Variants in SGCD observed in about 807,000 individuals in gnomAD.
The protein encoded by SGCD is delta-sarcoglycan.
A neutral mutation model predicts 36.6 loss-of-function variants in SGCD; 18 were observed. That is an observed-to-expected ratio of 0.49 (90% CI 0.34 to 0.73). SGCD has a LOEUF of 0.73. Ranked by LOEUF, SGCD falls within the 30% of genes least tolerant of loss-of-function variation. SGCD has a pLI of 0.01. For synonymous variants in SGCD, 133 were observed against 130.6 expected (o/e 1.02, Z -0.12); for missense variants, 387 against 346.7 (o/e 1.12, Z -0.92).
chr5:156,632,273 A>G (rs1359104238), intron 6 of SGCD, among the ~76,000 whole-genome samples: 1 of 151,824 alleles, frequency 6.6e-6, no homozygotes, highest in Non-Finnish European at 1.5e-5. Flanking sequence ...CCTAGATCAC[A>G]TTCCCTTCTG....
the SGCD span, among the ~76,000 whole-genome samples, chr5:155,864,471 G>A: frequency 2.6e-5 from 4 of 152,058 alleles, no homozygotes; most frequent in African/African-American, 7.2e-5. Flanking sequence ...ATCCAGGCAA[G>A]AGATGGTATT....
intron 7 of SGCD, among the ~76,000 whole-genome samples, chr5:156,699,480 T>A (rs926623888): frequency 3.3e-5 from 5 of 152,328 alleles, no homozygotes; most frequent in African/African-American, 4.8e-5. Flanking sequence ...CAGTTCATTT[T>A]TTTTTTTCTA....
intron 1 of SGCD, among the ~76,000 whole-genome samples, chr5:156,012,235 G>T (rs1245729775): frequency 6.6e-6 from 1 of 152,146 alleles, no homozygotes; most frequent in Non-Finnish European, 1.5e-5. Context: ...AATTACGAAA[G>T]AAATTCTCAC....
the SGCD span, among the ~76,000 whole-genome samples, chr5:155,791,437 A>G: frequency 6.6e-6 from 1 of 152,170 alleles, no homozygotes; most frequent in Non-Finnish European, 1.5e-5. Flanking sequence ...GAAAGAAATA[A>G]AAGGCATCCA....
the SGCD span, among the ~76,000 whole-genome samples, chr5:155,789,307 G>A: frequency 6.6e-6 from 1 of 152,084 alleles, no homozygotes; most frequent in African/African-American, 2.4e-5. Context: ...TAATTAAAAA[G>A]TGTTATTAAC....
chr5:156,274,580 A>T (rs1766268458), intron 3 of SGCD, among the ~76,000 whole-genome samples: 1 of 152,066 alleles, frequency 6.6e-6, no homozygotes, highest in African/African-American at 2.4e-5. Flanking sequence ...TCAGCCTCTA[A>T]TGTGGCTCCA....
intron 7 of SGCD, among the ~76,000 whole-genome samples, chr5:156,747,022 C>A (rs954529516): frequency 2.0e-5 from 3 of 151,938 alleles, no homozygotes; most frequent in Admixed American, 6.6e-5. Context: ...AATGCAAGTA[C>A]CCTAATTGTA....
At chr5:156,131,510 A>G (rs901900018) in intron 3 of SGCD, among the ~76,000 whole-genome samples, 1 of 152,242 alleles carries the variant, frequency 6.6e-6, no homozygotes, top group South Asian at 2.1e-4. Context: ...ATGAACAATG[A>G]CATTCCTAAG....
Position 156,062,236 on chromosome 5 carries a change from T to C in SGCD, c.-281-55642T>C, listed in dbSNP as rs1287398356. Among the ~76,000 whole-genome samples, 25 of 65,268 alleles carry C rather than the reference T, an allele frequency of 3.8e-4. 2 individuals are homozygous for C. The South Asian group carries it at 0.013, about 33-fold the overall frequency. 42.8% of individuals were successfully genotyped at this position (65,268 alleles called of 152,430 possible). ...CTGAGAATGATGGTTTCCAATTTCA[T>C]CCATGTCCCTACAAAGGATATGAAC... On this transcript the variant is annotated intron_variant, in intron 1 of 9. Coordinates refer to the SGCD transcript ENST00000517913.
intron 1 of SGCD, among the ~76,000 whole-genome samples, chr5:155,928,200 T>C (rs545506625): frequency 1.7e-4 from 26 of 152,282 alleles, no homozygotes; most frequent in African/African-American, 6.0e-4. Flanking sequence ...CTCTTTAATA[T>C]AGAAATTTTA....
chr5:156,625,642 C>T (rs988742933), intron 6 of SGCD, among the ~76,000 whole-genome samples: 3 of 152,212 alleles, frequency 2.0e-5, no homozygotes, highest in African/African-American at 7.2e-5. Flanking sequence ...ATCTGTAAAT[C>T]TCTGGGGTCC....
At chr5:156,194,027 A>G (rs1400774371) in intron 3 of SGCD, among the ~76,000 whole-genome samples, 2 of 152,250 alleles carry the variant, frequency 1.3e-5, no homozygotes, top group African/African-American at 4.8e-5. Context: ...GCATTTTAAA[A>G]TTTAAATTTT....
intron 3 of SGCD, among the ~76,000 whole-genome samples, chr5:156,347,828 C>A (rs1364961909): frequency 6.6e-6 from 1 of 152,094 alleles, no homozygotes; most frequent in African/African-American, 2.4e-5. Flanking sequence ...TATTGAGTAC[C>A]ACTTATATGA....
At chr5:156,211,564 T>G (rs1186013891) in intron 3 of SGCD, among the ~76,000 whole-genome samples, 1 of 145,736 alleles carries the variant, frequency 6.9e-6, no homozygotes, top group Non-Finnish European at 1.5e-5. Flanking sequence ...GCCGAGATCG[T>G]GCCACTGCAC....
chr5:156,394,125 A>G (rs1028353872), intron 3 of SGCD, among the ~76,000 whole-genome samples: 4 of 152,204 alleles, frequency 2.6e-5, no homozygotes, highest in Non-Finnish European at 4.4e-5. Flanking sequence ...ATTGGCACAC[A>G]GTAGGTGGAG....
intron 1 of SGCD, among the ~76,000 whole-genome samples, chr5:155,878,530 C>G (rs947881789): frequency 6.6e-5 from 10 of 152,146 alleles, no homozygotes; most frequent in Middle Eastern, 3.4e-3. Flanking sequence ...GGTCACGAGT[C>G]TAAGCCTAAA....
the SGCD span, among the ~76,000 whole-genome samples, chr5:155,731,370 G>T: frequency 6.6e-6 from 1 of 151,722 alleles, no homozygotes; most frequent in Non-Finnish European, 1.5e-5. Flanking sequence ...GGGGAGGAGG[G>T]AAAGGGTGGG....
At chr5:156,164,872 G>T (rs1763175653) in intron 3 of SGCD, among the ~76,000 whole-genome samples, 1 of 152,180 alleles carries the variant, frequency 6.6e-6, no homozygotes, top group African/African-American at 2.4e-5. Flanking sequence ...ATGAGGAACT[G>T]TCTTCATAAA....
chr5:156,206,766 A>G (rs956385019), intron 3 of SGCD, among the ~76,000 whole-genome samples: 1 of 151,770 alleles, frequency 6.6e-6, no homozygotes, highest in Non-Finnish European at 1.5e-5. Flanking sequence ...TCTTTGTCTC[A>G]TTTTTTTGAG....
Sources: allele counts gnomAD v4.1 joint callset (sites outside exome capture counted in the v4.1 genomes callset), GRCh38; gene constraint gnomAD v4.1.1; transcripts MANE v1.5; gene names NCBI Gene and HGNC (gene_info 2026-07-23, HGNC 2026-07-21).